The following SHCBP1 variants were observed in gnomAD, a reference collection of about 807,000 sequenced individuals.
SHCBP1 encodes the protein SHC SH2 domain-binding protein 1.
Under a neutral mutation model 75.1 loss-of-function variants are expected in SHCBP1, and 60 were observed. That is an observed-to-expected ratio of 0.80 (90% CI 0.65 to 0.99). The LOEUF (loss-of-function observed/expected upper bound fraction) is 0.99, where lower values mean the gene tolerates loss of function less well. SHCBP1 is among the 50% of genes least tolerant of loss of function. The pLI, the probability that SHCBP1 is intolerant of heterozygous loss-of-function variation, is 0.00. For missense variants in SHCBP1, 709 were observed against 809.4 expected (o/e 0.88, Z 1.50); for synonymous variants, 290 against 293.2 (o/e 0.99, Z 0.11).
In SHCBP1 at chr16:46,604,469, T is replaced by A; in HGVS notation, c.690-8A>T. Reference sequence around the variant, plus strand: ...TCAAGAATGTCATAATGCCTGAAAGTTTAAAAGCAAAGTGAAATCCACTGC... The same window carrying A: ...TCAAGAATGTCATAATGCCTGAAAGATTAAAAGCAAAGTGAAATCCACTGC... On this transcript the variant is annotated splice_polypyrimidine_tract_variant and splice_region_variant and intron_variant, in intron 5 of 12. Coordinates refer to ENST00000303383, the MANE Select transcript of SHCBP1 (RefSeq NM_024745.5). 1.9e-6 allele frequency: 3 copies of A among 1,591,678 alleles called. No homozygotes were observed. Among genetic ancestry groups the A allele is most frequent in the Non-Finnish European group, 1.7e-6 (2 of 1,161,104 alleles).
chr16:46,619,247 A>G (rs569590809), intron 1 of SHCBP1, among the ~76,000 whole-genome samples: 1 of 152,386 alleles, frequency 6.6e-6, no homozygotes, highest in East Asian at 1.9e-4. Context: ...AACAACTACT[A>G]AATAAGCAAT....
intron 4 of SHCBP1, among the ~76,000 whole-genome samples, chr16:46,609,322 T>A (rs1965370937): frequency 6.6e-6 from 1 of 152,036 alleles, no homozygotes; most frequent in Admixed American, 6.6e-5. Flanking sequence ...GTGAGATTCT[T>A]TCTCAAAATA....
chr16:46,617,697 C>T lies in SHCBP1; in HGVS notation c.324G>A (p.Lys108=). 4.3e-6 allele frequency: 7 copies of T among 1,613,376 alleles called. No homozygotes were observed. The highest frequency in any genetic ancestry group is 5.9e-6 in the Non-Finnish European group (7 of 1,180,016). Residue 108 remains lysine (K), a synonymous_variant, in exon 3 of 13, where the codon AAG becomes AAA. Coordinates refer to ENST00000303383, the MANE Select transcript of SHCBP1 (RefSeq NM_024745.5). ...CCCGCCATCCAGATGGCTCAAGGAC[C>T]TTCTCCAAGAACTCAGCTGTGAATT... ...VQEFTAEFLE[K]VLEPSGWRAV...
At chr16:46,608,451 G>A in intron 4 of SHCBP1, 62 bp from the exon 5 acceptor site, 3 of 1,112,970 alleles carry the variant, frequency 2.7e-6, no homozygotes, top group Non-Finnish European at 4.1e-6. Flanking sequence ...GGATTTTGGA[G>A]GGGTGAGAGC....
At chr16:46,615,917 A>G (rs1343810967) in intron 4 of SHCBP1, 29 bp downstream of exon 4, 4 of 1,609,954 alleles carry the variant, frequency 2.5e-6, no homozygotes, top group Non-Finnish European at 3.4e-6. Context: ...TCTGGCCACA[A>G]GGTTATTTTT....
Position 46,595,682 on chromosome 16 carries a change from A to G in SHCBP1, c.1346-12T>C, listed in dbSNP as rs1216040915. ...ACCACGGTGAACAACTGGGATGAAAATACACGCTGACTGTTTTAAGAAGTA... is the reference window on the plus strand; with the variant it reads ...ACCACGGTGAACAACTGGGATGAAAGTACACGCTGACTGTTTTAAGAAGTA... On this transcript the variant is annotated splice_polypyrimidine_tract_variant and intron_variant, in intron 9 of 12. Coordinates refer to ENST00000303383, the MANE Select transcript of SHCBP1 (RefSeq NM_024745.5). 5.0e-6 allele frequency: 8 copies of G among 1,593,616 alleles called. No individual in the cohort carries two copies. Among genetic ancestry groups the G allele is most frequent in the South Asian group, 4.4e-5 (4 of 90,500 alleles).
chr16:46,605,895 A>G (rs193035583), intron 5 of SHCBP1, among the ~76,000 whole-genome samples: 1 of 152,134 alleles, frequency 6.6e-6, no homozygotes, highest in African/African-American at 2.4e-5. Flanking sequence ...TAAGTGAATT[A>G]GGTGAAGCTT....
rs1400425638 is a variant in SHCBP1 at position 46,578,838 on chromosome 16, C to G, written c.*2891G>C. 6.6e-6 allele frequency among the ~76,000 whole-genome samples: 1 copy of G among 152,048 alleles called. No individual in the cohort carries two copies. The highest frequency in any genetic ancestry group is 1.5e-5 in the Non-Finnish European group (1 of 67,998). On this transcript the variant is annotated 3_prime_UTR_variant, in exon 13 of 13. Transcript: ENST00000303383. ...TCCTAGAAAGGAATAAGAATAAAAA[C>G]AGCAAACTGAATTACAAAGAAACAT...
At chr16:46,605,822 A>G (rs927537914) in intron 5 of SHCBP1, among the ~76,000 whole-genome samples, 1 of 152,192 alleles carries the variant, frequency 6.6e-6, no homozygotes, top group Non-Finnish European at 1.5e-5. Context: ...ACAAATTTAC[A>G]TCAGACTATG....
chr16:46,607,180 C>T (rs1455885940), intron 5 of SHCBP1, among the ~76,000 whole-genome samples: 1 of 152,100 alleles, frequency 6.6e-6, no homozygotes, highest in Admixed American at 6.5e-5. Flanking sequence ...CATGGTGAAA[C>T]CCTGTCTCTA....
intron 10 of SHCBP1, among the ~76,000 whole-genome samples, chr16:46,588,985 G>A (rs1219250563): frequency 1.3e-5 from 2 of 152,188 alleles, no homozygotes; most frequent in Non-Finnish European, 2.9e-5. Flanking sequence ...GATCAAGTTG[G>A]CTTCATCCCT....
chr16:46,594,222 A>G (rs1965098463), intron 10 of SHCBP1, among the ~76,000 whole-genome samples: 2 of 152,334 alleles, frequency 1.3e-5, no homozygotes, highest in African/African-American at 2.4e-5. Context: ...ACCTCAACTC[A>G]TAAAAGGAAA....
chr16:46,597,230 G>A (rs1164574017), intron 9 of SHCBP1, among the ~76,000 whole-genome samples: 4 of 151,982 alleles, frequency 2.6e-5, no homozygotes, highest in East Asian at 1.9e-4. Context: ...GGGCAACATC[G>A]TGAAACCCCA....
At chr16:46,607,755 G>T (rs189381710) in intron 5 of SHCBP1, among the ~76,000 whole-genome samples, 3 of 152,070 alleles carry the variant, frequency 2.0e-5, no homozygotes, top group African/African-American at 7.2e-5. Flanking sequence ...ATTTAATAAG[G>T]TCATTAAGAT....
At chr16:46,609,355 A>G (rs1965371157) in intron 4 of SHCBP1, among the ~76,000 whole-genome samples, 1 of 151,936 alleles carries the variant, frequency 6.6e-6, no homozygotes, top group Non-Finnish European at 1.5e-5. Flanking sequence ...AACAAGAACA[A>G]TTAGTTCCCT....
At position 46,583,615 on chromosome 16, in the gene SHCBP1, C is replaced by A; in HGVS notation, c.1594G>T (p.Val532Leu). ...TCATTATTATGTATTATATTATTCA[C>A]CATGGATATCTTGGGAATGTCATAA... ...EHYDIPKISM[V>L]NNIIHNNEGY... The change falls in exon 12 of 13, where the codon GTG becomes TTG. Residue 532 changes from valine (V) to leucine (L), a missense_variant. Coordinates refer to ENST00000303383, the MANE Select transcript of SHCBP1 (RefSeq NM_024745.5). 2 of 1,607,638 alleles carry A rather than the reference C, an allele frequency of 1.2e-6. No individual in the cohort carries two copies. Among genetic ancestry groups the A allele is most frequent in the Non-Finnish European group, 1.7e-6 (2 of 1,178,566 alleles).
Position 46,608,202 on chromosome 16 carries a change from G to GGT in SHCBP1, c.689+93_689+94dup, listed in dbSNP as rs763550599. On this transcript the variant is annotated intron_variant, in intron 5 of 12. Transcript: ENST00000303383. ...GAGAGAGAGTGAGTGAGTGAGTGTG[G>GGT]GTGTGTGTGTGTGTGTGTATCTCAC... The GGT allele has an allele frequency of 1.3e-3, 888 of 662,518 alleles. 1 individual carries two copies. Among genetic ancestry groups the GGT allele is most frequent in the East Asian group, 0.012 (404 of 34,564 alleles). The allele number at this position is 662,518 out of a possible 1,614,324, so 41.0% of individuals were successfully genotyped here.
chr16:46,590,087 T>C (rs1278951283), intron 10 of SHCBP1, among the ~76,000 whole-genome samples: 5 of 152,222 alleles, frequency 3.3e-5, no homozygotes, highest in African/African-American at 1.2e-4. Flanking sequence ...CCCTATTTAA[T>C]AAATGGTGCT....
Position 46,580,942 on chromosome 16 carries a change from T to A in SHCBP1, c.*787A>T, listed in dbSNP as rs1165771094. The A allele has an allele frequency of 6.6e-6, 1 of 151,938 alleles. No homozygotes were observed. Among genetic ancestry groups the A allele is most frequent in the Non-Finnish European group, 1.5e-5 (1 of 68,026 alleles). 9.4% of individuals were successfully genotyped at this position (151,938 alleles called of 1,614,324 possible). ...AAATTTATTTTTAGTAGAGACAGGGTCTCACTATGTTGCCTAGGCTAGTCT... is the reference window on the plus strand; with the variant it reads ...AAATTTATTTTTAGTAGAGACAGGGACTCACTATGTTGCCTAGGCTAGTCT... On this transcript the variant is annotated 3_prime_UTR_variant, in exon 13 of 13. Transcript: ENST00000303383.
Sources: allele counts gnomAD v4.1 joint callset (sites outside exome capture counted in the v4.1 genomes callset), GRCh38; gene constraint gnomAD v4.1.1; transcripts MANE v1.5; gene names NCBI Gene and HGNC (gene_info 2026-07-23, HGNC 2026-07-21).